ANXA13: variants seen among roughly 807,000 people sequenced by gnomAD.
ANXA13 encodes the protein annexin A13.
ANXA13 carries 36 observed loss-of-function variants against 46.6 expected under a neutral mutation model. The ratio of observed to expected loss-of-function variants is 0.77; its 90% CI spans 0.59 to 1.02. The LOEUF (loss-of-function observed/expected upper bound fraction) is 1.02. ANXA13 is among the 50% of genes least tolerant of loss of function. ANXA13 has a pLI of 0.00. For missense variants in ANXA13, 417 were observed against 396.5 expected, an observed-to-expected ratio of 1.05 and a Z score of -0.44; for synonymous variants, 163 against 152.9, an observed-to-expected ratio of 1.07 and a Z score of -0.49.
At chr8:123,708,871 G>C (rs1265096871) in intron 2 of ANXA13, among the ~76,000 whole-genome samples, 1 of 152,100 alleles carries the variant, frequency 6.6e-6, no homozygotes, top group East Asian at 1.9e-4. Context: ...TATCTCTCTA[G>C]TCTCTGTCTC....
At position 123,694,093 on chromosome 8, in the gene ANXA13, G is replaced by A. The variant is rs538465180; in HGVS notation, c.472-314C>T. Among the ~76,000 whole-genome samples, 18 of 151,766 alleles carry A rather than the reference G, an allele frequency of 1.2e-4. No homozygotes were observed. The East Asian group carries it at 1.4e-3, about 11-fold the overall frequency. On this transcript the variant is annotated intron_variant, in intron 6 of 10. Transcript: ENST00000419625. Reference sequence around the variant, plus strand: ...TTTCCCTAGAATGAGTCCCCTCTTCGTTTCAAAATATCAGATTTCACCACT... The same window carrying A: ...TTTCCCTAGAATGAGTCCCCTCTTCATTTCAAAATATCAGATTTCACCACT...
intron 1 of ANXA13, among the ~76,000 whole-genome samples, chr8:123,718,457 G>A (rs1039296001): frequency 2.4e-4 from 37 of 152,126 alleles, no homozygotes; most frequent in Admixed American, 2.4e-3. Context: ...CTCATTTGAC[G>A]AGTGTGAAAA....
At position 123,684,717 on chromosome 8, in the gene ANXA13, A is replaced by G. The variant is rs1214651486; in HGVS notation, c.724T>C (p.Cys242Arg). 1.2e-6 allele frequency: 2 copies of G among 1,609,302 alleles called. No homozygotes were observed. Among genetic ancestry groups the G allele is most frequent in the Middle Eastern group, 1.7e-4 (1 of 6,054 alleles). The change falls in exon 10 of 11, where the codon TGT becomes CGT. Residue 242 changes from cysteine to arginine, a missense_variant. Physicochemically the swap from Cys to Arg is radical, Grantham distance 180. Coordinates refer to ENST00000419625, the MANE Select transcript of ANXA13 (RefSeq NM_004306.4). ...AAATAGTCCTCACAATCCTGGGCAC[A>G]TCTCACTGGGCAGGACAAAGGAAAA... ...LQKAYLTLVR[C>R]AQDCEDYFAE...
chr8:123,687,345 A>G (rs937596144), intron 9 of ANXA13, among the ~76,000 whole-genome samples: 2 of 152,184 alleles, frequency 1.3e-5, no homozygotes, highest in African/African-American at 2.4e-5. Flanking sequence ...CTAGTGTTCC[A>G]TTATTGGAAT....
At chr8:123,695,765 A>T (rs900884139) in intron 4 of ANXA13, 44 bp from the exon 5 acceptor site, 1 of 1,524,998 alleles carries the variant, frequency 6.6e-7, no homozygotes, top group South Asian at 1.1e-5. Context: ...CCAAGGAGGG[A>T]TTAATCAATA....
Position 123,693,314 on chromosome 8 carries a change from C to T in ANXA13, c.541-16G>A. The T allele has an allele frequency of 6.2e-7, 1 of 1,610,564 alleles. No individual in the cohort carries two copies. Among genetic ancestry groups the T allele is most frequent in the Non-Finnish European group, 8.5e-7 (1 of 1,177,648 alleles). On this transcript the variant is annotated splice_polypyrimidine_tract_variant and intron_variant, in intron 7 of 10. Transcript: ENST00000419625. ...CTTCCCCTGCCTCAAGGGTCAAATA[C>T]AAACACTTTGAAAAAGGCTTTTGTG...
At chr8:123,692,965 A>G (rs192393173) in intron 8 of ANXA13, among the ~76,000 whole-genome samples, 31 of 152,144 alleles carry the variant, frequency 2.0e-4, no homozygotes, top group Admixed American at 1.9e-3. Flanking sequence ...CAGGCTGTTT[A>G]GCGGCATCCC....
At chr8:123,707,923 C>A (rs1230978949) in intron 2 of ANXA13, among the ~76,000 whole-genome samples, 1 of 152,042 alleles carries the variant, frequency 6.6e-6, no homozygotes, top group Non-Finnish European at 1.5e-5. Flanking sequence ...AACCAGATTG[C>A]AAAACAGTCC....
chr8:123,707,011 G>A (rs372880471), intron 2 of ANXA13, among the ~76,000 whole-genome samples: 111 of 152,282 alleles, frequency 7.3e-4, no homozygotes, highest in African/African-American at 2.2e-3. Flanking sequence ...GAGGCATCTC[G>A]CCCTCTGTGT....
intron 1 of ANXA13, among the ~76,000 whole-genome samples, chr8:123,715,495 T>C (rs1389179096): frequency 3.9e-5 from 6 of 152,242 alleles, no homozygotes; most frequent in Non-Finnish European, 8.8e-5. Context: ...CTATGTCCTG[T>C]TAGCCTCATC....
At chr8:123,722,959 C>T (rs541409820) in intron 1 of ANXA13, among the ~76,000 whole-genome samples, 33 of 152,292 alleles carry the variant, frequency 2.2e-4, no homozygotes, top group African/African-American at 6.0e-4. Context: ...CTACAGTGTA[C>T]GAGGGGGCTG....
intron 2 of ANXA13, among the ~76,000 whole-genome samples, chr8:123,703,663 T>C (rs1156849667): frequency 1.3e-5 from 2 of 152,150 alleles, no homozygotes; most frequent in Non-Finnish European, 2.9e-5. Context: ...AGGAGAGAAG[T>C]CTTGATTGAA....
chr8:123,693,707 A>T lies in ANXA13; in HGVS notation c.540+4T>A. 1.9e-6 allele frequency: 3 copies of T among 1,612,346 alleles called. No individual in the cohort carries two copies. Among genetic ancestry groups the T allele is most frequent in the Non-Finnish European group, 2.5e-6 (3 of 1,178,862 alleles). On this transcript the variant is annotated splice_donor_region_variant and intron_variant, in intron 7 of 10. Coordinates refer to ENST00000419625, the MANE Select transcript of ANXA13 (RefSeq NM_004306.4). Reference sequence around the variant, plus strand: ...TGCAGAGACTGGCATGTCTGCACACATACATCATACAGATCTTTGGCATCC... The same window carrying T: ...TGCAGAGACTGGCATGTCTGCACACTTACATCATACAGATCTTTGGCATCC...
intron 1 of ANXA13, among the ~76,000 whole-genome samples, chr8:123,717,827 T>G (rs1431222670): frequency 6.6e-6 from 1 of 152,208 alleles, no homozygotes; most frequent in Non-Finnish European, 1.5e-5. Context: ...GATGCACAAG[T>G]CCACACCTTA....
At chr8:123,722,672 T>C (rs574242598) in intron 1 of ANXA13, among the ~76,000 whole-genome samples, 202 of 152,304 alleles carry the variant, frequency 1.3e-3, no homozygotes, top group African/African-American at 4.6e-3. Context: ...GCTAATAGAA[T>C]CATGTTTTCT....
chr8:123,712,808 T>C, intron 1 of ANXA13, 55 bp from the exon 2 acceptor site: 2 of 1,532,790 alleles, frequency 1.3e-6, no homozygotes, highest in African/African-American at 1.4e-5. Flanking sequence ...CTAAATGATC[T>C]CTGGCTAAAA....
intron 4 of ANXA13, among the ~76,000 whole-genome samples, chr8:123,696,955 G>A (rs1813351161): frequency 6.6e-6 from 1 of 152,210 alleles, no homozygotes; most frequent in African/African-American, 2.4e-5. Flanking sequence ...TGTCGCTCAG[G>A]CTGGAGTGCA....
chr8:123,708,651 A>T (rs1488556810), intron 2 of ANXA13, among the ~76,000 whole-genome samples: 1 of 152,192 alleles, frequency 6.6e-6, no homozygotes, highest in Admixed American at 6.5e-5. Flanking sequence ...TCACTGTCTC[A>T]GTTTCCGGAG....
At chr8:123,731,606 G>A (rs968926129) in intron 1 of ANXA13, among the ~76,000 whole-genome samples, 36 of 152,104 alleles carry the variant, frequency 2.4e-4, no homozygotes, top group Non-Finnish European at 4.4e-4. Context: ...ACAGTGGCTC[G>A]CACCTGTAAT....
Sources: gnomAD v4.1 joint callset for allele counts (sites outside exome capture counted in the v4.1 genomes callset) on GRCh38, gnomAD v4.1.1 for gene constraint, MANE v1.5 for transcripts, NCBI Gene and HGNC (gene_info 2026-07-23, HGNC 2026-07-21) for gene names.